The following INO80 variants were observed in gnomAD, a reference collection of about 807,000 sequenced individuals.
The protein encoded by INO80 is INO80 complex ATPase subunit.
In INO80, 20 loss-of-function variants were observed where a neutral mutation model predicts 203.4. The ratio of observed to expected loss-of-function variants is 0.10; its 90% CI spans 0.07 to 0.14. INO80 has a LOEUF of 0.14. Ranked by LOEUF, INO80 falls within the 10% of genes least tolerant of loss-of-function variation. The pLI is 1.00. For missense variants in INO80, 1,419 were observed against 1,914.4 expected (o/e 0.74, Z 4.83); for synonymous variants, 726 against 685.2 (o/e 1.06, Z -0.93).
intron 14 of INO80, among the ~76,000 whole-genome samples, chr15:41,064,580 T>A (rs978799762): frequency 6.6e-6 from 1 of 152,180 alleles, no homozygotes; most frequent in African/African-American, 2.4e-5. Flanking sequence ...AGACAATGTA[T>A]ATATGACACA....
intron 1 of INO80, among the ~76,000 whole-genome samples, chr15:41,099,253 A>C (rs1168648523): frequency 1.6e-4 from 22 of 135,276 alleles, no homozygotes; most frequent in Non-Finnish European, 2.9e-4. Flanking sequence ...AAAAAAAAAA[A>C]AAAAAAAAAA....
At chr15:40,992,280 C>T (rs1394069485) in intron 29 of INO80, among the ~76,000 whole-genome samples, 1 of 152,216 alleles carries the variant, frequency 6.6e-6, no homozygotes. Context: ...ACAGGTCTGA[C>T]ACAGAAACAC....
Position 40,982,886 on chromosome 15 carries a change from C to T in INO80, c.4429G>A (p.Ala1477Thr), listed in dbSNP as rs753014093. 1.4e-5 allele frequency: 22 copies of T among 1,613,312 alleles called. No homozygotes were observed. Among genetic ancestry groups the T allele is most frequent in the Admixed American group, 1.7e-5 (1 of 60,004 alleles). ...CCTTTAGACACGTTGTACCCGTATGCGGCATAGGCAGCTGCAGAGGCCGCT... is the reference window on the plus strand; with the variant it reads ...CCTTTAGACACGTTGTACCCGTATGTGGCATAGGCAGCTGCAGAGGCCGCT... Reference protein sequence around the residue: ...AAAASAAAYAAYGYNVSKGIS... With the variant: ...AAAASAAAYATYGYNVSKGIS... The change falls in exon 35 of 36, where the codon GCA becomes ACA. Residue 1477 changes from alanine (A) to threonine (T), a missense_variant. By Grantham distance (58) the Ala-to-Thr change is moderately conservative. Coordinates refer to ENST00000648947, the MANE Select transcript of INO80 (RefSeq NM_017553.3).
intron 19 of INO80, among the ~76,000 whole-genome samples, chr15:41,051,353 C>A (rs187927397): frequency 6.6e-6 from 1 of 151,910 alleles, no homozygotes; most frequent in African/African-American, 2.4e-5. Context: ...TCATTTGAAA[C>A]CTAGCTCACA....
intron 1 of INO80, among the ~76,000 whole-genome samples, chr15:41,097,204 C>A (rs2045738541): frequency 6.6e-6 from 1 of 152,144 alleles, no homozygotes. Flanking sequence ...CACCACCACG[C>A]CCAGCTGATT....
chr15:41,093,315 C>T (rs2045672032), intron 4 of INO80, among the ~76,000 whole-genome samples: 1 of 152,000 alleles, frequency 6.6e-6, no homozygotes, highest in African/African-American at 2.4e-5. Flanking sequence ...GTTTCAGCTA[C>T]TCAGGAGGCT....
chr15:41,061,450 C>CAAAAAAAAAAAAAAA (rs980593225), intron 14 of INO80, among the ~76,000 whole-genome samples: 1 of 66,934 alleles, frequency 1.5e-5, no homozygotes, highest in African/African-American at 5.3e-5. Context: ...ACCAAAAATA[C>CAAAAAAAAAAAAAAA]AAAAAAAAAA....
In INO80 at chr15:41,027,650, C is replaced by G; in HGVS notation, c.2994G>C (p.Leu998=). The G allele has an allele frequency of 6.2e-7, 1 of 1,613,984 alleles. No homozygotes were observed. The highest frequency in any genetic ancestry group is 8.5e-7 in the Non-Finnish European group (1 of 1,179,936). The change falls in exon 25 of 36, where the codon CTG becomes CTC. Residue 998 remains leucine (L), a synonymous_variant. Transcript: ENST00000648947. ...VHQRRSATSS[L]RRCLLTELPS... The stretch of plus-strand genomic sequence containing the variant: ...GCAGCTCAGTGAGCAGGCAGCGACG[C>G]AGCGAGGAGGTAGCTGATCTCCGCT...
Position 41,049,354 on chromosome 15 carries a change from G to C in INO80, c.2509C>G (p.Pro837Ala). 6.2e-7 allele frequency: 1 copy of C among 1,613,412 alleles called. No homozygotes were observed. The highest frequency in any genetic ancestry group is 8.5e-7 in the Non-Finnish European group (1 of 1,179,360). The change falls in exon 21 of 36, where the codon CCA becomes GCA. Residue 837 changes from proline to alanine, a missense_variant. Pro to Ala is a conservative substitution (Grantham distance 27). Around this residue, in one of 9 missense-constraint regions of INO80, gnomAD observed 302 missense variants for 345.4 expected, o/e 0.87. Coordinates refer to ENST00000648947, the MANE Select transcript of INO80 (RefSeq NM_017553.3). ...TAGATAAACTTTGAAATGTGGTATG[G>C]CTTTAGGGAAATATGAAATGGAGAC... ...TWSPFHISLK[P>A]YHISKFIYRH...
At chr15:40,995,062 G>A (rs1054061739) in intron 29 of INO80, among the ~76,000 whole-genome samples, 10 of 152,124 alleles carry the variant, frequency 6.6e-5, no homozygotes, top group African/African-American at 2.4e-4. Flanking sequence ...CACCATGCAG[G>A]CCAGGCTGGT....
At chr15:41,103,936 C>A (rs2045843386) in intron 1 of INO80, among the ~76,000 whole-genome samples, 1 of 152,012 alleles carries the variant, frequency 6.6e-6, no homozygotes, top group Non-Finnish European at 1.5e-5. Context: ...CATCTGACTG[C>A]CAGGCGCAGT....
At chr15:40,993,345 C>T (rs530350371) in intron 29 of INO80, among the ~76,000 whole-genome samples, 1 of 152,082 alleles carries the variant, frequency 6.6e-6, no homozygotes, top group East Asian at 1.9e-4. Context: ...TAGACTAAAC[C>T]TGAGATAGGC....
At chr15:41,032,261 T>C (rs1362173870) in intron 24 of INO80, among the ~76,000 whole-genome samples, 1 of 152,214 alleles carries the variant, frequency 6.6e-6, no homozygotes, top group Non-Finnish European at 1.5e-5. Flanking sequence ...TTTCTACATC[T>C]TTTCTTAAAG....
chr15:41,063,648 C>T (rs774732578), intron 14 of INO80, among the ~76,000 whole-genome samples: 12 of 151,884 alleles, frequency 7.9e-5, no homozygotes, highest in Admixed American at 2.0e-4. Flanking sequence ...GTGGCATGCG[C>T]CTGTAATCCC....
At chr15:41,020,107 GCTA>G (rs1196456215) in intron 26 of INO80, among the ~76,000 whole-genome samples, 1 of 152,012 alleles carries the variant, frequency 6.6e-6, no homozygotes, top group East Asian at 1.9e-4. Flanking sequence ...TGTAGTCCCA[GCTA>G]CTTGGAAGGC....
intron 28 of INO80, among the ~76,000 whole-genome samples, chr15:41,001,434 C>A (rs1304565518): frequency 5.9e-5 from 9 of 152,166 alleles, no homozygotes. Flanking sequence ...TGTTGAATGA[C>A]TGAAAAACAA....
chr15:41,046,346 C>T (rs1320238118), intron 23 of INO80, among the ~76,000 whole-genome samples: 1 of 149,542 alleles, frequency 6.7e-6, no homozygotes, highest in Non-Finnish European at 1.5e-5. Context: ...TCTCCCACCT[C>T]GGCCTCCTGA....
intron 28 of INO80, among the ~76,000 whole-genome samples, chr15:40,999,079 A>G (rs2043922966): frequency 6.6e-6 from 1 of 152,150 alleles, no homozygotes; most frequent in African/African-American, 2.4e-5. Flanking sequence ...AGAAAGAAAA[A>G]AGATTAGAAA....
intron 4 of INO80, among the ~76,000 whole-genome samples, chr15:41,093,837 CCT>C (rs2045680637): frequency 6.6e-6 from 1 of 151,016 alleles, no homozygotes; most frequent in African/African-American, 2.4e-5. Flanking sequence ...AAAGTGAGAC[CCT>C]GTCTCAAAAA....
Sources: allele counts gnomAD v4.1 joint callset (sites outside exome capture counted in the v4.1 genomes callset), GRCh38; gene constraint gnomAD v4.1.1; regional missense constraint gnomAD v4.1.1; transcripts MANE v1.5; gene names NCBI Gene and HGNC (gene_info 2026-07-23, HGNC 2026-07-21).